The following CNTLN variants were observed in gnomAD, a reference collection of about 807,000 sequenced individuals.
The protein encoded by CNTLN is centlein, centrosomal protein.
Under a neutral mutation model 180.0 loss-of-function variants are expected in CNTLN, and 212 were observed. The observed-to-expected ratio is 1.18, with a 90% confidence interval of 1.05 to 1.32. CNTLN has a LOEUF of 1.32. Among genes scored for constraint, CNTLN ranks in the 40% most tolerant of loss-of-function variants. The probability of loss-of-function intolerance (pLI) is 0.00; values close to 1 mark genes in which losing one functional copy is unlikely to be tolerated. For missense variants in CNTLN, 2,095 were observed against 1,610.9 expected, an observed-to-expected ratio of 1.30 and a Z score of -5.14; for synonymous variants, 722 against 563.1, an observed-to-expected ratio of 1.28 and a Z score of -3.99.
intron 18 of CNTLN, among the ~76,000 whole-genome samples, chr9:17,436,270 G>T (rs76409755): frequency 2.6e-5 from 4 of 151,968 alleles, no homozygotes; most frequent in South Asian, 2.1e-4. Flanking sequence ...TTCCCCTACC[G>T]TCTGAGTCAG....
At chr9:17,358,273 C>T (rs1030301977) in intron 12 of CNTLN, among the ~76,000 whole-genome samples, 2 of 151,980 alleles carry the variant, frequency 1.3e-5, no homozygotes, top group Non-Finnish European at 2.9e-5. Flanking sequence ...TAATTTGATA[C>T]TCTACTGCAT....
rs145295710 is a variant in CNTLN, at chr9:17,241,936, A to G, written c.849+5348A>G. Among the ~76,000 whole-genome samples, 242 of 152,226 alleles carry G rather than the reference A, an allele frequency of 1.6e-3. 1 individual carries two copies. The highest frequency in any genetic ancestry group is 5.6e-3 in the African/African-American group (233 of 41,532). On this transcript the variant is annotated intron_variant, in intron 5 of 25. Coordinates refer to ENST00000380647, the MANE Select transcript of CNTLN (RefSeq NM_017738.4). ...TTTACCGAATTTATTTATTCATTCT[A>G]ATAGGTTTTTGGTGGACTCTTCAGG...
intron 6 of CNTLN, among the ~76,000 whole-genome samples, chr9:17,294,894 G>A (rs1171685685): frequency 3.2e-5 from 3 of 93,548 alleles, no homozygotes; most frequent in African/African-American, 1.2e-4. Flanking sequence ...GGGGGGAGTG[G>A]GGAGTGGGGG....
chr9:17,505,807 T>C (rs1276331156), downstream of CNTLN, among the ~76,000 whole-genome samples: 1 of 152,046 alleles, frequency 6.6e-6, no homozygotes, highest in African/African-American at 2.4e-5. Flanking sequence ...ACTCAGAAAC[T>C]AGAATAGCTT....
intron 13 of CNTLN, among the ~76,000 whole-genome samples, chr9:17,374,659 A>T (rs1038304902): frequency 6.6e-6 from 1 of 152,150 alleles, no homozygotes; most frequent in Non-Finnish European, 1.5e-5. Context: ...CAGGAGTTTG[A>T]GACCAGCCTG....
chr9:17,371,476 T>C (rs1302027688), intron 13 of CNTLN, among the ~76,000 whole-genome samples: 1 of 152,176 alleles, frequency 6.6e-6, no homozygotes, highest in East Asian at 1.9e-4. Context: ...AAAGCAAATA[T>C]TATTAGAGCT....
At chr9:17,246,445 G>A (rs7035386) in intron 5 of CNTLN, among the ~76,000 whole-genome samples, 1 of 152,020 alleles carries the variant, frequency 6.6e-6, no homozygotes, top group Non-Finnish European at 1.5e-5. Flanking sequence ...GTGAATGGGT[G>A]ACACAAGCAC....
chr9:17,327,580 A>G (rs1223857337), intron 8 of CNTLN, among the ~76,000 whole-genome samples: 2 of 149,564 alleles, frequency 1.3e-5, no homozygotes, highest in African/African-American at 4.9e-5. Context: ...ACTTTTATTT[A>G]TATTTCCCTT....
chr9:17,523,843 A>C, the CNTLN span, among the ~76,000 whole-genome samples: 15 of 152,296 alleles, frequency 9.8e-5, no homozygotes, highest in South Asian at 2.1e-3. Context: ...GAATCAATTA[A>C]AGCTTTTGCG....
At chr9:17,137,271 C>T (rs1003932129) in intron 1 of CNTLN, among the ~76,000 whole-genome samples, 5 of 152,050 alleles carry the variant, frequency 3.3e-5, no homozygotes, top group South Asian at 2.1e-4. Context: ...GGCAGTATCC[C>T]GCACCATAAA....
chr9:17,304,116 G>A (rs945029823), intron 7 of CNTLN, among the ~76,000 whole-genome samples: 3 of 152,048 alleles, frequency 2.0e-5, no homozygotes, highest in East Asian at 1.9e-4. Context: ...GGTAGGATGT[G>A]GGAATTGAGG....
intron 3 of CNTLN, 26 bp from the exon 4 acceptor site, chr9:17,235,632 C>T: frequency 7.0e-7 from 1 of 1,430,018 alleles, no homozygotes; most frequent in East Asian, 2.7e-5. Context: ...TAAAAGCTCA[C>T]CAGTAATTTA....
At chr9:17,387,947 GA>G (rs34567309) in intron 13 of CNTLN, among the ~76,000 whole-genome samples, 48,033 of 141,590 alleles carry the variant, frequency 0.34, 8,216 homozygotes, top group African/African-American at 0.45. Context: ...ATCTTATACT[GA>G]AAAAAAAAAA....
At chr9:17,263,064 T>C (rs1021331753) in intron 5 of CNTLN, among the ~76,000 whole-genome samples, 1 of 151,346 alleles carries the variant, frequency 6.6e-6, no homozygotes, top group African/African-American at 2.5e-5. Context: ...TATTATACTT[T>C]AAGTTTTAGG....
the CNTLN span, among the ~76,000 whole-genome samples, chr9:17,513,538 A>C: frequency 6.6e-6 from 1 of 152,086 alleles, no homozygotes; most frequent in East Asian, 1.9e-4. Context: ...TGTACAAAAA[A>C]TACAAAAAAC....
intron 2 of CNTLN, among the ~76,000 whole-genome samples, chr9:17,145,233 A>G (rs971540474): frequency 2.0e-5 from 3 of 152,212 alleles, no homozygotes; most frequent in African/African-American, 7.2e-5. Context: ...AAAGTTTAAA[A>G]TAACATTTCC....
chr9:17,363,932 T>A (rs1048458275), intron 12 of CNTLN, among the ~76,000 whole-genome samples: 2 of 152,158 alleles, frequency 1.3e-5, no homozygotes, highest in Admixed American at 6.5e-5. Flanking sequence ...TGAAAGATAT[T>A]AATTATTTTC....
At chr9:17,191,048 T>C (rs1821758751) in intron 2 of CNTLN, among the ~76,000 whole-genome samples, 1 of 152,218 alleles carries the variant, frequency 6.6e-6, no homozygotes, top group Non-Finnish European at 1.5e-5. Context: ...AATAGTTCCG[T>C]GGATTAAATA....
chr9:17,332,341 C>G (rs1405333045), intron 9 of CNTLN, among the ~76,000 whole-genome samples: 1 of 151,992 alleles, frequency 6.6e-6, no homozygotes, highest in African/African-American at 2.4e-5. Context: ...GTCTATAACC[C>G]TTTAGTCTTC....
Sources: gnomAD v4.1 joint callset for allele counts (sites outside exome capture counted in the v4.1 genomes callset) on GRCh38, gnomAD v4.1.1 for gene constraint, MANE v1.5 for transcripts, NCBI Gene and HGNC (gene_info 2026-07-23, HGNC 2026-07-21) for gene names.